The following CDC42BPA variants were observed in gnomAD, a reference collection of about 807,000 sequenced individuals.
CDC42BPA encodes serine/threonine-protein kinase MRCK alpha.
CDC42BPA carries 80 observed loss-of-function variants against 223.5 expected under a neutral mutation model. The ratio of observed to expected loss-of-function variants is 0.36; its 90% CI spans 0.30 to 0.43. The LOEUF is 0.43. CDC42BPA is among the 20% of genes least tolerant of loss of function. The pLI is 1.00. For synonymous variants in CDC42BPA, 694 were observed against 718.6 expected, an observed-to-expected ratio of 0.97 and a Z score of 0.55; for missense variants, 1,743 against 2,099.9, an observed-to-expected ratio of 0.83 and a Z score of 3.32.
At chr1:227,002,537 T>C (rs567024500) in intron 35 of CDC42BPA, among the ~76,000 whole-genome samples, 4 of 152,208 alleles carry the variant, frequency 2.6e-5, no homozygotes, top group East Asian at 3.8e-4. Flanking sequence ...CACTCGTATG[T>C]AGTCCCTTCC....
chr1:227,176,171 T>C (rs535207059), intron 5 of CDC42BPA, among the ~76,000 whole-genome samples: 2 of 152,262 alleles, frequency 1.3e-5, no homozygotes, highest in Admixed American at 1.3e-4. Flanking sequence ...CAGGCTGGTC[T>C]CGAATTCCTG....
chr1:227,115,873 A>G (rs1419835863), intron 12 of CDC42BPA, among the ~76,000 whole-genome samples: 2 of 76,496 alleles, frequency 2.6e-5, no homozygotes, highest in South Asian at 3.0e-4. Flanking sequence ...AGAAAAGAGG[A>G]AAAAAAAAAA....
In CDC42BPA at chr1:227,080,892, C is replaced by T; in HGVS notation, c.2480+1G>A. The T allele has an allele frequency of 6.2e-7, 1 of 1,613,460 alleles. No individual in the cohort carries two copies. Among genetic ancestry groups the T allele is most frequent in the Non-Finnish European group, 8.5e-7 (1 of 1,179,804 alleles). On this transcript the variant is annotated splice_donor_variant, in intron 17 of 36. Transcript: ENST00000366766. LOFTEE classifies it high-confidence loss of function. The stretch of plus-strand genomic sequence containing the variant: ...AAAAAAACGTTTAAAAGAGCACTCA[C>T]CACTGAATTATTTCTGTGATTTGGG...
chr1:227,242,851 C>T (rs1434286716), intron 2 of CDC42BPA, among the ~76,000 whole-genome samples: 1 of 152,150 alleles, frequency 6.6e-6, no homozygotes, highest in African/African-American at 2.4e-5. Context: ...ATAAATTGTT[C>T]TCTTATAAAG....
intron 10 of CDC42BPA, among the ~76,000 whole-genome samples, chr1:227,133,660 T>C (rs942524087): frequency 6.6e-6 from 1 of 152,176 alleles, no homozygotes; most frequent in Non-Finnish European, 1.5e-5. Flanking sequence ...ATCTGTGACC[T>C]TACCCCCAAC....
chr1:227,198,737 T>A (rs557855729), intron 4 of CDC42BPA, among the ~76,000 whole-genome samples: 8 of 141,550 alleles, frequency 5.7e-5, no homozygotes, highest in Non-Finnish European at 9.1e-5. Context: ...GATGGTACAG[T>A]CCATGTAACA....
chr1:227,194,623 ACT>A (rs1362832585), intron 4 of CDC42BPA, among the ~76,000 whole-genome samples: 1 of 152,194 alleles, frequency 6.6e-6, no homozygotes, highest in Non-Finnish European at 1.5e-5. Context: ...CAAACTGTTC[ACT>A]GAGATTCTGT....
intron 15 of CDC42BPA, among the ~76,000 whole-genome samples, chr1:227,094,900 G>C (rs888878688): frequency 1.3e-5 from 2 of 152,208 alleles, no homozygotes; most frequent in Non-Finnish European, 2.9e-5. Flanking sequence ...TGTGCAACCT[G>C]GTCAGCCACC....
chr1:227,167,561 C>G (rs4653801), intron 5 of CDC42BPA, among the ~76,000 whole-genome samples: 10,987 of 152,214 alleles, frequency 0.072, 458 homozygotes, highest in Admixed American at 0.11. Flanking sequence ...AGCATAATTT[C>G]CATTCCCCTA....
intron 35 of CDC42BPA, among the ~76,000 whole-genome samples, chr1:227,002,281 C>T (rs929399413): frequency 1.3e-5 from 2 of 151,954 alleles, no homozygotes; most frequent in Admixed American, 1.3e-4. Flanking sequence ...TTAGTAACAG[C>T]TTACATCAAT....
chr1:227,042,839 A>AG (rs1671662530), intron 23 of CDC42BPA, among the ~76,000 whole-genome samples: 1 of 152,194 alleles, frequency 6.6e-6, no homozygotes, highest in Admixed American at 6.5e-5. Flanking sequence ...CATTTGGAGT[A>AG]GAAAGAATTA....
chr1:227,092,748 T>C (rs994082451), intron 15 of CDC42BPA, among the ~76,000 whole-genome samples: 1 of 152,248 alleles, frequency 6.6e-6, no homozygotes, highest in Non-Finnish European at 1.5e-5. Flanking sequence ...ACAAGAATAG[T>C]ACAAAGAATT....
rs931156885 is a variant in CDC42BPA at position 227,260,485 on chromosome 1, C to G, written c.179-6330G>C. Among the ~76,000 whole-genome samples the G allele has an allele frequency of 8.6e-5, 13 of 151,064 alleles. 3 individuals carry two copies. The highest frequency in any genetic ancestry group is 3.2e-4 in the African/African-American group (13 of 40,344). ...TTCAATTCTCCCATCCAACCTCCTT[C>G]CTCCCTACAACTACTGGCCAGGTGG... is the stretch of plus-strand genomic sequence containing the variant. On this transcript the variant is annotated intron_variant, in intron 1 of 36. Transcript: ENST00000366766.
intron 1 of CDC42BPA, among the ~76,000 whole-genome samples, chr1:227,292,168 A>T (rs1396789787): frequency 6.6e-6 from 1 of 152,062 alleles, no homozygotes; most frequent in Non-Finnish European, 1.5e-5. Flanking sequence ...TTCTTAGTAG[A>T]GATGGGGTGT....
At chr1:227,101,298 ACTT>A (rs1685016366) in intron 14 of CDC42BPA, 59 bp from the exon 15 acceptor site, 5 of 1,069,584 alleles carry the variant, frequency 4.7e-6, no homozygotes, top group Admixed American at 2.5e-5. Context: ...TATTTAAATA[ACTT>A]CTTTCTGTAA....
intron 31 of CDC42BPA, among the ~76,000 whole-genome samples, chr1:227,023,770 A>T (rs1667787871): frequency 3.9e-5 from 6 of 152,236 alleles, no homozygotes. Flanking sequence ...ATAGTGATTG[A>T]GCAACTGGTT....
Position 227,030,465 on chromosome 1 carries a change from C to T in CDC42BPA, c.3781G>A (p.Glu1261Lys), listed in dbSNP as rs1669073846. The change falls in exon 29 of 37, where the codon GAA (glutamate) becomes AAA (lysine). Residue 1261 changes from glutamate to lysine, a missense_variant. Physicochemically the swap from Glu to Lys is moderately conservative, Grantham distance 56. Transcript: ENST00000366766. ...TCTTCGTTTCCCAAAGCAATTCTTT[C>T]ATGATCTATGTAAGACATGAATGTG... Reference protein sequence around the residue: ...TTQAAAIIDHERIALGNEEGL... With the variant: ...TTQAAAIIDHKRIALGNEEGL... 1.9e-6 allele frequency: 3 copies of T among 1,592,480 alleles called. No individual in the cohort carries two copies. In the African/African-American group the frequency reaches 4.0e-5, roughly 21 times the overall value.
At chr1:227,154,440 A>C (rs1662352574) in intron 6 of CDC42BPA, among the ~76,000 whole-genome samples, 1 of 152,026 alleles carries the variant, frequency 6.6e-6, no homozygotes, top group Admixed American at 6.5e-5. Flanking sequence ...GTTTCTCATA[A>C]TTTACGGATT....
intron 2 of CDC42BPA, chr1:227,235,097 T>TAG (rs1213849435): frequency 6.6e-6 from 1 of 152,188 alleles, no homozygotes; most frequent in African/African-American, 2.4e-5. Context: ...AGATGGAGCC[T>TAG]TCTCTGTGTA....
Sources: gnomAD v4.1 joint callset for allele counts (sites outside exome capture counted in the v4.1 genomes callset) on GRCh38, gnomAD v4.1.1 for gene constraint, MANE v1.5 for transcripts, NCBI Gene and HGNC (gene_info 2026-07-23, HGNC 2026-07-21) for gene names.